RNF150: variants seen among roughly 807,000 people sequenced by gnomAD.
RNF150 encodes the protein ring finger protein 150.
RNF150 carries 24 observed loss-of-function variants against 39.3 expected under a neutral mutation model. That is an observed-to-expected ratio of 0.61 (90% CI 0.44 to 0.86). RNF150 has a LOEUF of 0.86. RNF150 is among the 40% of genes least tolerant of loss of function. The pLI is 0.00. For missense variants in RNF150, 502 were observed against 587.8 expected (o/e 0.85, Z 1.51); for synonymous variants, 255 against 227.3 (o/e 1.12, Z -1.10).
intron 1 of RNF150, among the ~76,000 whole-genome samples, chr4:140,984,232 T>C (rs1295640709): frequency 6.6e-6 from 1 of 152,170 alleles, no homozygotes; most frequent in Non-Finnish European, 1.5e-5. Context: ...CTTGGTGATA[T>C]ACCTTGGCAG....
intron 1 of RNF150, among the ~76,000 whole-genome samples, chr4:141,086,932 C>T (rs563380181): frequency 2.2e-4 from 33 of 151,904 alleles, no homozygotes; most frequent in African/African-American, 6.8e-4. Context: ...CTTTTTTTGG[C>T]GTTAATAAAA....
intron 4 of RNF150, among the ~76,000 whole-genome samples, chr4:140,927,655 T>G (rs1174034917): frequency 2.6e-5 from 4 of 151,052 alleles, no homozygotes; most frequent in Non-Finnish European, 4.4e-5. Flanking sequence ...TGTTTCTTTT[T>G]TTTTTTTTTT....
Position 140,904,078 on chromosome 4 carries a change from G to A in RNF150, c.1198+7066C>T, listed in dbSNP as rs545771624. Reference sequence around the variant, plus strand: ...GTAGTTGCCATCTGCGAAGCTTGACGATGATGGCATGTGCTTATTGCAGAG... The same window carrying A: ...GTAGTTGCCATCTGCGAAGCTTGACAATGATGGCATGTGCTTATTGCAGAG... On this transcript the variant is annotated intron_variant, in intron 6 of 6. Coordinates refer to ENST00000515673, the MANE Select transcript of RNF150 (RefSeq NM_020724.2). Among the ~76,000 whole-genome samples the A allele has an allele frequency of 9.8e-5, 15 of 152,316 alleles. No individual in the cohort carries two copies. The East Asian group carries it at 2.3e-3, about 24-fold the overall frequency.
chr4:140,988,732 AG>A (rs1734095158), intron 1 of RNF150, among the ~76,000 whole-genome samples: 1 of 151,298 alleles, frequency 6.6e-6, no homozygotes, highest in African/African-American at 2.4e-5. Context: ...TACTCACTAT[AG>A]CAAAGACTTG....
At chr4:140,993,797 C>T (rs1734272994) in intron 1 of RNF150, among the ~76,000 whole-genome samples, 1 of 152,166 alleles carries the variant, frequency 6.6e-6, no homozygotes, top group Non-Finnish European at 1.5e-5. Flanking sequence ...CATCTTCCCA[C>T]CTCCAAACAA....
At chr4:140,988,081 T>G (rs1734070831) in intron 1 of RNF150, among the ~76,000 whole-genome samples, 1 of 152,082 alleles carries the variant, frequency 6.6e-6, no homozygotes, top group Admixed American at 6.6e-5. Flanking sequence ...ACAATGGCTG[T>G]GATTAAAAAG....
intron 1 of RNF150, among the ~76,000 whole-genome samples, chr4:141,171,282 A>G (rs1393159621): frequency 6.6e-6 from 1 of 152,174 alleles, no homozygotes; most frequent in Non-Finnish European, 1.5e-5. Flanking sequence ...TGCTTCCCTG[A>G]GAACTTTCCA....
At chr4:141,058,295 G>A (rs188717681) in intron 1 of RNF150, among the ~76,000 whole-genome samples, 19 of 152,142 alleles carry the variant, frequency 1.2e-4, no homozygotes, top group Admixed American at 1.1e-3. Flanking sequence ...GGGATGAAGA[G>A]GAGTGGGGAG....
At chr4:140,952,891 G>A (rs184228546) in intron 2 of RNF150, among the ~76,000 whole-genome samples, 74 of 152,170 alleles carry the variant, frequency 4.9e-4, no homozygotes, top group Non-Finnish European at 8.7e-4. Context: ...AGGCGATTTC[G>A]TCACTGTGTG....
intron 1 of RNF150, among the ~76,000 whole-genome samples, chr4:141,103,481 CAG>C (rs1020262535): frequency 1.3e-5 from 2 of 152,174 alleles, no homozygotes; most frequent in African/African-American, 4.8e-5. Flanking sequence ...GGGAGTTATA[CAG>C]AGTCATAATG....
intron 1 of RNF150, among the ~76,000 whole-genome samples, chr4:141,089,103 G>A (rs1738476329): frequency 6.6e-6 from 1 of 152,138 alleles, no homozygotes; most frequent in Non-Finnish European, 1.5e-5. Flanking sequence ...AAATGCAAAG[G>A]AAGAAAAGCT....
chr4:141,176,644 A>C (rs1327596087), intron 1 of RNF150, among the ~76,000 whole-genome samples: 1 of 152,208 alleles, frequency 6.6e-6, no homozygotes, highest in East Asian at 1.9e-4. Flanking sequence ...TTTTAACTTC[A>C]TAACAGGCAA....
At chr4:141,061,320 G>A (rs955723651) in intron 1 of RNF150, among the ~76,000 whole-genome samples, 2 of 151,930 alleles carry the variant, frequency 1.3e-5, no homozygotes, top group African/African-American at 4.8e-5. Context: ...TACCATTTCA[G>A]AAAGCAATTC....
At chr4:141,082,733 C>A (rs1275797023) in intron 1 of RNF150, among the ~76,000 whole-genome samples, 1 of 151,108 alleles carries the variant, frequency 6.6e-6, no homozygotes, top group South Asian at 2.1e-4. Context: ...GGACTACAGG[C>A]GCCCGCCACT....
At chr4:141,071,300 T>G (rs1421268923) in intron 1 of RNF150, among the ~76,000 whole-genome samples, 5 of 149,824 alleles carry the variant, frequency 3.3e-5, no homozygotes, top group African/African-American at 1.2e-4. Context: ...AGTTGGTGGG[T>G]GCAGCGCACC....
At chr4:140,910,222 G>T (rs1217042087) in intron 6 of RNF150, among the ~76,000 whole-genome samples, 1 of 152,066 alleles carries the variant, frequency 6.6e-6, no homozygotes, top group Non-Finnish European at 1.5e-5. Context: ...ACCCTCAAAT[G>T]CTTCAATCTG....
At chr4:140,994,654 A>G (rs1734305815) in intron 1 of RNF150, among the ~76,000 whole-genome samples, 1 of 152,222 alleles carries the variant, frequency 6.6e-6, no homozygotes, top group Non-Finnish European at 1.5e-5. Flanking sequence ...AGGCTATAAC[A>G]AAATGAAAAA....
chr4:140,985,522 GCC>G (rs1561000126), intron 1 of RNF150, among the ~76,000 whole-genome samples: 3 of 152,002 alleles, frequency 2.0e-5, no homozygotes, highest in Non-Finnish European at 2.9e-5. Context: ...GTCTAATGTA[GCC>G]ACTAGCCACA....
intron 5 of RNF150, among the ~76,000 whole-genome samples, chr4:140,911,704 T>C (rs1730613563): frequency 6.6e-6 from 1 of 152,200 alleles, no homozygotes; most frequent in South Asian, 2.1e-4. Flanking sequence ...TTACATATAG[T>C]ATTATTTATT....
Sources: gnomAD v4.1 joint callset for allele counts (sites outside exome capture counted in the v4.1 genomes callset) on GRCh38, gnomAD v4.1.1 for gene constraint, MANE v1.5 for transcripts, NCBI Gene and HGNC (gene_info 2026-07-23, HGNC 2026-07-21) for gene names.